Variants in LPIN1 observed in about 807,000 individuals in gnomAD.
LPIN1 encodes phosphatidate phosphatase LPIN1.
In LPIN1, 71 loss-of-function variants were observed where a neutral mutation model predicts 107.5. The ratio of observed to expected loss-of-function variants is 0.66; its 90% CI spans 0.55 to 0.80. The LOEUF (loss-of-function observed/expected upper bound fraction) is 0.80, where lower values mean the gene tolerates loss of function less well. Among genes scored for constraint, LPIN1 ranks in the 30% least tolerant of loss-of-function variants. The probability of loss-of-function intolerance (pLI) is 0.00; values close to 1 mark genes in which losing one functional copy is unlikely to be tolerated. For synonymous variants in LPIN1, 445 were observed against 452.6 expected, an observed-to-expected ratio of 0.98 and a Z score of 0.21; for missense variants, 1,043 against 1,160.6, an observed-to-expected ratio of 0.90 and a Z score of 1.47.
intron 1 of LPIN1, among the ~76,000 whole-genome samples, chr2:11,699,292 C>A (rs1195382025): frequency 3.9e-5 from 6 of 152,088 alleles, no homozygotes; most frequent in Non-Finnish European, 5.9e-5. Context: ...CACATAAGGA[C>A]CTTTCTAGGG....
At chr2:11,743,167 G>C (rs1666542098), upstream of LPIN1, among the ~76,000 whole-genome samples, 1 of 152,196 alleles carries the variant, frequency 6.6e-6, no homozygotes, top group African/African-American at 2.4e-5. The surrounding 1 kb of genome is among the most constrained non-coding windows in gnomAD (Gnocchi z 4.7). Context: ...GTAGCCCCCA[G>C]TGCTCAGCCT....
In LPIN1 at chr2:11,786,810, C is replaced by T; in HGVS notation, c.1550-264C>T. 6.6e-6 allele frequency among the ~76,000 whole-genome samples: 1 copy of T among 152,234 alleles called. No individual in the cohort carries two copies. Among genetic ancestry groups the T allele is most frequent in the East Asian group, 1.9e-4 (1 of 5,190 alleles). On this transcript the variant is annotated intron_variant, in intron 10 of 20. Transcript: ENST00000674199. The surrounding 1 kb of genome is among the most constrained non-coding windows in gnomAD (Gnocchi z 4.1). ...GTGTGTGCTGTTTTCACCCCTACTC[C>T]CTGTGTGAACGTATGTGCCTCAACT... is the stretch of plus-strand genomic sequence containing the variant.
rs1378663572 is a variant in LPIN1 at position 11,820,402 on chromosome 2, C to T, written c.2518-9C>T. 1.3e-6 allele frequency: 2 copies of T among 1,551,226 alleles called. No homozygotes were observed. Among genetic ancestry groups the T allele is most frequent in the Non-Finnish European group, 1.8e-6 (2 of 1,122,786 alleles). On this transcript the variant is annotated splice_polypyrimidine_tract_variant and intron_variant, in intron 19 of 20. Transcript: ENST00000674199. Reference sequence around the variant, plus strand: ...AATGAACACTTTAAATCACCTTTACCAAATATAGGATGTGTATTCATACAA... The same window carrying T: ...AATGAACACTTTAAATCACCTTTACTAAATATAGGATGTGTATTCATACAA...
At chr2:11,681,174 T>C (rs1203278494) in intron 1 of LPIN1, among the ~76,000 whole-genome samples, 1 of 152,178 alleles carries the variant, frequency 6.6e-6, no homozygotes, top group Non-Finnish European at 1.5e-5. Context: ...TGTCTCTGTA[T>C]GAAGAACTCT....
chr2:11,804,982 G>GTTTTTTTTTTT, intron 16 of LPIN1, 88 bp from the exon 17 acceptor site: 1 of 704,170 alleles, frequency 1.4e-6, no homozygotes, highest in Non-Finnish European at 2.4e-6. Flanking sequence ...TCTTGTTTGT[G>GTTTTTTTTTTT]TTTTTTTTTT....
chr2:11,767,199 T>G (rs1415251568), intron 2 of LPIN1, among the ~76,000 whole-genome samples: 1 of 152,212 alleles, frequency 6.6e-6, no homozygotes, highest in African/African-American at 2.4e-5. Context: ...GTCTCCTGAT[T>G]GGTCCTTTGA....
chr2:11,782,520 G>A lies in LPIN1; in HGVS notation c.1264+13G>A. ...TCCAGGAAAAGAGGTACCAAGGCTG[G>A]GGCTTCCCGGCTCTTTTTCTGTTCA... On this transcript the variant is annotated intron_variant, in intron 8 of 20. Coordinates refer to ENST00000674199, the MANE Select transcript of LPIN1 (RefSeq NM_001349206.2). 6.2e-7 allele frequency: 1 copy of A among 1,613,502 alleles called. No individual in the cohort carries two copies. The highest frequency in any genetic ancestry group is 8.5e-7 in the Non-Finnish European group (1 of 1,180,024).
chr2:11,753,697 TTAAGTATCAG>T (rs1668222639), intron 1 of LPIN1, among the ~76,000 whole-genome samples: 1 of 152,228 alleles, frequency 6.6e-6, no homozygotes, highest in Admixed American at 6.5e-5. Context: ...TCAACCGCCG[TTAAGTATCAG>T]TCCACAATGC....
At chr2:11,759,138 TTTCTTTC>T (rs1374318281) in intron 1 of LPIN1, among the ~76,000 whole-genome samples, 6 of 41,374 alleles carry the variant, frequency 1.5e-4, no homozygotes, top group Admixed American at 2.7e-4. Flanking sequence ...CTTTCTTTTC[TTTCTTTC>T]TTTCTTTCTT....
At chr2:11,731,595 T>A (rs982267320) in intron 1 of LPIN1, among the ~76,000 whole-genome samples, 1 of 152,236 alleles carries the variant, frequency 6.6e-6, no homozygotes, top group Non-Finnish European at 1.5e-5. Flanking sequence ...TACCCAGGAA[T>A]GAGATTGTTG....
At chr2:11,684,743 C>G (rs58989297) in intron 1 of LPIN1, among the ~76,000 whole-genome samples, 10,049 of 152,058 alleles carry the variant, frequency 0.066, 673 homozygotes, top group African/African-American at 0.17. Flanking sequence ...CCCTCCCTCC[C>G]TCCCTTCCTT....
In LPIN1 at chr2:11,824,880, G is replaced by C; in HGVS notation, c.*89G>C. On this transcript the variant is annotated 3_prime_UTR_variant, in exon 21 of 21. Transcript: ENST00000674199. Reference sequence around the variant, plus strand: ...CTCCCCGGAGTGCACAGCTCCACCTGGGAGCCTGGCGCGTCATCATTGGCC... The same window carrying C: ...CTCCCCGGAGTGCACAGCTCCACCTCGGAGCCTGGCGCGTCATCATTGGCC... 1.4e-6 allele frequency: 2 copies of C among 1,473,044 alleles called. No homozygotes were observed. The highest frequency in any genetic ancestry group is 2.8e-5 in the African/African-American group (2 of 72,246). 91.2% of individuals were successfully genotyped at this position (1,473,044 alleles called of 1,614,324 possible).
chr2:11,690,397 C>T (rs1471063362), intron 1 of LPIN1, among the ~76,000 whole-genome samples: 1 of 152,128 alleles, frequency 6.6e-6, no homozygotes, highest in African/African-American at 2.4e-5. Flanking sequence ...TAAATATTAT[C>T]CTTTGCCATG....
chr2:11,805,271 T>A, intron 17 of LPIN1, 115 bp downstream of exon 17: 1 of 840,850 alleles, frequency 1.2e-6, no homozygotes, highest in Non-Finnish European at 2.0e-6. Context: ...GGGCTGCACC[T>A]CAACCAGGGA....
intron 1 of LPIN1, among the ~76,000 whole-genome samples, chr2:11,756,424 T>A (rs1301393114): frequency 6.6e-6 from 1 of 152,236 alleles, no homozygotes; most frequent in Non-Finnish European, 1.5e-5. Flanking sequence ...AGTCTCACTC[T>A]GTCGCCCAGG....
At chr2:11,784,334 A>C in intron 9 of LPIN1, 1 of 655,712 alleles carries the variant, frequency 1.5e-6, no homozygotes, top group Non-Finnish European at 2.0e-6. Flanking sequence ...AGTGTGAGAG[A>C]GAGGCAGTGG....
intron 1 of LPIN1, among the ~76,000 whole-genome samples, chr2:11,687,039 T>C (rs2148504320): frequency 6.9e-6 from 1 of 145,964 alleles, no homozygotes; most frequent in African/African-American, 2.6e-5. Context: ...CTTGGTGCGT[T>C]GCTGAGGCTG....
At chr2:11,746,196 G>A (rs1446834592), upstream of LPIN1, 1 of 152,374 alleles carries the variant, frequency 6.6e-6, no homozygotes, top group Non-Finnish European at 1.5e-5. Flanking sequence ...GAAACGAAGG[G>A]CGAGGGTCAG....
chr2:11,736,588 A>G (rs1385666567), intron 1 of LPIN1, among the ~76,000 whole-genome samples: 1 of 152,268 alleles, frequency 6.6e-6, no homozygotes, highest in East Asian at 1.9e-4. Context: ...GATTCAGTCA[A>G]TAGCAGATGC....
Sources: allele counts gnomAD v4.1 joint callset (sites outside exome capture counted in the v4.1 genomes callset), GRCh38; gene constraint gnomAD v4.1.1; non-coding constraint Gnocchi (gnomAD v3.1); transcripts MANE v1.5; gene names NCBI Gene and HGNC (gene_info 2026-07-23, HGNC 2026-07-21).